FAM210B: variants seen among roughly 807,000 people sequenced by gnomAD.
FAM210B encodes the protein family with sequence similarity 210 member B.
FAM210B carries 11 observed loss-of-function variants against 14.9 expected under a neutral mutation model. That is an observed-to-expected ratio of 0.74 (90% CI 0.46 to 1.22). The LOEUF (loss-of-function observed/expected upper bound fraction) is 1.22, where lower values mean the gene tolerates loss of function less well. Among genes scored for constraint, FAM210B ranks in the 50% most tolerant of loss-of-function variants. FAM210B has a pLI of 0.00. For missense variants in FAM210B, 229 were observed against 250.1 expected, an observed-to-expected ratio of 0.92 and a Z score of 0.57; for synonymous variants, 113 against 110.2, an observed-to-expected ratio of 1.03 and a Z score of -0.16.
At position 56,363,060 on chromosome 20, in the gene FAM210B, C is replaced by T. The variant is rs940548723; in HGVS notation, c.187-2027C>T. Among the ~76,000 whole-genome samples the T allele has an allele frequency of 6.6e-6, 1 of 152,224 alleles. No homozygotes were observed. Among genetic ancestry groups the T allele is most frequent in the African/African-American group, 2.4e-5 (1 of 41,462 alleles). ...CCTGGCCGGGGGTGGCAGGACTAGT[C>T]AGAAGGCTTCAAGGAAACGGGAGGT... On this transcript the variant is annotated intron_variant, in intron 1 of 2. Transcript: ENST00000371384. This position sits in a 1 kb window ranked among gnomAD's most constrained non-coding sequence, Gnocchi z 4.1.
rs1180037771 is a variant in FAM210B, at chr20:56,362,876, C to T, written c.187-2211C>T. Among the ~76,000 whole-genome samples, 1 of 152,246 alleles carries T rather than the reference C, an allele frequency of 6.6e-6. No individual in the cohort carries two copies. Among genetic ancestry groups the T allele is most frequent in the Non-Finnish European group, 1.5e-5 (1 of 68,038 alleles). On this transcript the variant is annotated intron_variant, in intron 1 of 2. Coordinates refer to ENST00000371384, the MANE Select transcript of FAM210B (RefSeq NM_080821.3). This position sits in a 1 kb window ranked among gnomAD's most constrained non-coding sequence, Gnocchi z 4.8. ...GGTCCAGTGATTGGACAGAATGGGG[C>T]CAGGTGTCAAGGGCATGGGTGTTTG...
At chr20:56,361,624 G>T (rs2146107411) in intron 1 of FAM210B, among the ~76,000 whole-genome samples, 1 of 152,254 alleles carries the variant, frequency 6.6e-6, no homozygotes, top group East Asian at 1.9e-4. Flanking sequence ...TGTTAAGTGG[G>T]GTTGACAGTA....
rs182848403 is a variant in FAM210B at position 56,363,047 on chromosome 20, T to C, written c.187-2040T>C. Among the ~76,000 whole-genome samples the C allele has an allele frequency of 3.7e-3, 564 of 152,186 alleles. 3 individuals are homozygous for C. Among genetic ancestry groups the C allele is most frequent in the African/African-American group, 0.013 (546 of 41,518 alleles). On this transcript the variant is annotated intron_variant, in intron 1 of 2. Coordinates refer to ENST00000371384, the MANE Select transcript of FAM210B (RefSeq NM_080821.3). The surrounding 1 kb of genome is among the most constrained non-coding windows in gnomAD (Gnocchi z 4.1). ...CCTCCACAGCCATCCTGGCCGGGGG[T>C]GGCAGGACTAGTCAGAAGGCTTCAA... is the stretch of plus-strand genomic sequence containing the variant.
At position 56,365,984 on chromosome 20, in the gene FAM210B, T is replaced by A. The variant is rs1012379113; in HGVS notation, c.363-87T>A. 3.8e-5 allele frequency: 34 copies of A among 889,528 alleles called. 3 individuals are homozygous for A. Among genetic ancestry groups the A allele is most frequent in the Non-Finnish European group, 5.3e-5 (33 of 620,902 alleles). 55.1% of individuals were successfully genotyped at this position (889,528 alleles called of 1,614,324 possible). A position where few individuals can be genotyped will look rare whatever the true frequency, so the allele number is the denominator to read the frequency against. ...CATTCAGCTACTTCATTACATTTTTTAAAATACTGTAAATCTTATAGCCAA... is the reference window on the plus strand; with the variant it reads ...CATTCAGCTACTTCATTACATTTTTAAAAATACTGTAAATCTTATAGCCAA... On this transcript the variant is annotated intron_variant, in intron 2 of 2. Transcript: ENST00000371384.
intron 1 of FAM210B, among the ~76,000 whole-genome samples, chr20:56,361,146 A>AG (rs1236010187): frequency 6.6e-6 from 1 of 152,134 alleles, no homozygotes; most frequent in Admixed American, 6.5e-5. Flanking sequence ...CCAGGGACGT[A>AG]GGGGGAGTTC....
chr20:56,365,929 C>A, intron 2 of FAM210B, 142 bp from the exon 3 acceptor site: 2 of 571,400 alleles, frequency 3.5e-6, no homozygotes, highest in Non-Finnish European at 5.7e-6. Flanking sequence ...CAGGCGTGAG[C>A]CACTGCACCT....
At position 56,365,234 on chromosome 20, in the gene FAM210B, T is replaced by C. The variant is rs1381438988; in HGVS notation, c.334T>C (p.Leu112=). ...SLHIGISLIS[L]GIFYMVVSSG... ...GCACATTGGAATCTCATTAATTTCC[T>C]TGGGCATATTTTACATGGTTGTGTC... Residue 112 remains leucine, a synonymous_variant, in exon 2 of 3, where the codon TTG becomes CTG. Coordinates refer to ENST00000371384, the MANE Select transcript of FAM210B (RefSeq NM_080821.3). 1.2e-6 allele frequency: 2 copies of C among 1,613,842 alleles called. No individual in the cohort carries two copies. Among genetic ancestry groups the C allele is most frequent in the Admixed American group, 1.7e-5 (1 of 59,934 alleles).
At position 56,367,257 on chromosome 20, in the gene FAM210B, G is replaced by GT. The variant is rs1262156691; in HGVS notation, c.*971dup. The stretch of plus-strand genomic sequence containing the variant: ...GATAATACAAGCCAGGGAGAGGCTT[G>GT]TATTACATGACAGGTGTAATTAGTC... On this transcript the variant is annotated 3_prime_UTR_variant, in exon 3 of 3. Coordinates refer to ENST00000371384, the MANE Select transcript of FAM210B (RefSeq NM_080821.3). The GT allele has an allele frequency of 6.6e-6, 1 of 152,226 alleles. No individual in the cohort carries two copies. The highest frequency in any genetic ancestry group is 1.5e-5 in the Non-Finnish European group (1 of 68,046). The allele number at this position is 152,226 out of a possible 1,614,324, so 9.4% of individuals were successfully genotyped here. A position where few individuals can be genotyped will look rare whatever the true frequency, so the allele number is the denominator to read the frequency against.
In FAM210B at chr20:56,367,604, C is replaced by G. The variant is rs1319352985; in HGVS notation, c.*1317C>G. On this transcript the variant is annotated 3_prime_UTR_variant, in exon 3 of 3. Coordinates refer to ENST00000371384, the MANE Select transcript of FAM210B (RefSeq NM_080821.3). ...TGAGCCAAGATCACACCACTGCACT[C>G]CAGCCTGGGCGACAGAGGGAGACAC... 1 of 152,464 alleles carries G rather than the reference C, an allele frequency of 6.6e-6. No homozygotes were observed. The highest frequency in any genetic ancestry group is 6.5e-5 in the Admixed American group (1 of 15,284). 9.4% of individuals were successfully genotyped at this position (152,464 alleles called of 1,614,324 possible).
chr20:56,363,366 G>A lies in FAM210B; in HGVS notation c.187-1721G>A, dbSNP rs375377165. On this transcript the variant is annotated intron_variant, in intron 1 of 2. Coordinates refer to ENST00000371384, the MANE Select transcript of FAM210B (RefSeq NM_080821.3). The surrounding 1 kb of genome is among the most constrained non-coding windows in gnomAD (Gnocchi z 4.1). The stretch of plus-strand genomic sequence containing the variant: ...GGTCATGAGGCAGTGAGGGATTTAT[G>A]AAATGACGCCTTTGAAGTGGAAGCT... 7.9e-4 allele frequency among the ~76,000 whole-genome samples: 120 copies of A among 152,308 alleles called. 1 individual carries two copies. The South Asian group carries it at 0.013, about 17-fold the overall frequency.
chr20:56,364,310 G>A (rs529827969), intron 1 of FAM210B, among the ~76,000 whole-genome samples: 3 of 152,312 alleles, frequency 2.0e-5, no homozygotes, highest in Non-Finnish European at 2.9e-5. Flanking sequence ...GCTTAAAGCC[G>A]CTTGCATTCC....
chr20:56,361,267 C>T (rs1211561981), intron 1 of FAM210B, among the ~76,000 whole-genome samples: 3 of 152,148 alleles, frequency 2.0e-5, no homozygotes, highest in Admixed American at 2.0e-4. Flanking sequence ...TTTAACATTC[C>T]TCCTACTCCC....
Position 56,362,223 on chromosome 20 carries a change from G to A in FAM210B, c.187-2864G>A, listed in dbSNP as rs4811692. Among the ~76,000 whole-genome samples, 19,735 of 152,006 alleles carry A rather than the reference G, an allele frequency of 0.13. 2,239 individuals are homozygous for A. The highest frequency in any genetic ancestry group is 0.62 in the East Asian group (3,172 of 5,152). ...AGGTGTCACTCCAAACACTGCGATC[G>A]GCTTGGCAAGGTCCTTGGCTCATTC... On this transcript the variant is annotated intron_variant, in intron 1 of 2. Coordinates refer to ENST00000371384, the MANE Select transcript of FAM210B (RefSeq NM_080821.3). The surrounding 1 kb of genome is among the most constrained non-coding windows in gnomAD (Gnocchi z 4.8).
intron 2 of FAM210B, among the ~76,000 whole-genome samples, chr20:56,365,629 C>G (rs1048185587): frequency 6.6e-6 from 1 of 152,196 alleles, no homozygotes; most frequent in Non-Finnish European, 1.5e-5. Flanking sequence ...CCTCAGCCTC[C>G]CGAGTAGCTG....
rs1374604593 is a variant in FAM210B at position 56,363,812 on chromosome 20, A to G, written c.187-1275A>G. On this transcript the variant is annotated intron_variant, in intron 1 of 2. Coordinates refer to ENST00000371384, the MANE Select transcript of FAM210B (RefSeq NM_080821.3). This position sits in a 1 kb window ranked among gnomAD's most constrained non-coding sequence, Gnocchi z 4.1. ...GATGTCAGGTGTAAATCTTGATTCT[A>G]GGAGTAAATCTGCCATCGCTTTTGC... Among the ~76,000 whole-genome samples the G allele has an allele frequency of 6.6e-6, 1 of 152,186 alleles. No homozygotes were observed. Among genetic ancestry groups the G allele is most frequent in the Non-Finnish European group, 1.5e-5 (1 of 68,030 alleles).
intron 2 of FAM210B, among the ~76,000 whole-genome samples, chr20:56,365,793 G>A (rs113325924): frequency 3.5e-4 from 53 of 152,070 alleles, no homozygotes; most frequent in Admixed American, 1.8e-3. Flanking sequence ...GTGAGCCCCC[G>A]CGTCAGGCCG....
chr20:56,361,583 T>A (rs975428251), intron 1 of FAM210B, among the ~76,000 whole-genome samples: 1 of 152,242 alleles, frequency 6.6e-6, no homozygotes, highest in African/African-American at 2.4e-5. Flanking sequence ...GGTAAATTAC[T>A]CAACCTCTCT....
rs1253461536 is a variant in FAM210B at position 56,363,622 on chromosome 20, T to C, written c.187-1465T>C. Among the ~76,000 whole-genome samples the C allele has an allele frequency of 6.6e-6, 1 of 152,186 alleles. No homozygotes were observed. Among genetic ancestry groups the C allele is most frequent in the Non-Finnish European group, 1.5e-5 (1 of 68,026 alleles). On this transcript the variant is annotated intron_variant, in intron 1 of 2. Transcript: ENST00000371384. The surrounding 1 kb of genome is among the most constrained non-coding windows in gnomAD (Gnocchi z 4.1). The stretch of plus-strand genomic sequence containing the variant: ...TGCTCTGTTATTGAGAAGTGGTTTT[T>C]TTCCCTCCCCTAATGTGGGTGAGGT...
At chr20:56,365,729 C>A (rs1240638852) in intron 2 of FAM210B, among the ~76,000 whole-genome samples, 1 of 152,220 alleles carries the variant, frequency 6.6e-6, no homozygotes, top group African/African-American at 2.4e-5. Context: ...TGGTCTCAAT[C>A]TCTTGACCTA....
Sources: allele counts gnomAD v4.1 joint callset (sites outside exome capture counted in the v4.1 genomes callset), GRCh38; gene constraint gnomAD v4.1.1; non-coding constraint Gnocchi (gnomAD v3.1); transcripts MANE v1.5; gene names NCBI Gene and HGNC (gene_info 2026-07-23, HGNC 2026-07-21).